RYR3: variants seen among roughly 807,000 people sequenced by gnomAD.
RYR3 encodes the protein brain ryanodine receptor-calcium release channel.
Under a neutral mutation model 584.3 loss-of-function variants are expected in RYR3, and 207 were observed. The ratio of observed to expected loss-of-function variants is 0.35; its 90% CI spans 0.32 to 0.40. RYR3 has a LOEUF of 0.40. RYR3 is among the 10% of genes least tolerant of loss of function. RYR3 has a pLI of 1.00. For missense variants in RYR3, 5,616 were observed against 6,089.2 expected (o/e 0.92, Z 2.59); for synonymous variants, 2,416 against 2,248.5 (o/e 1.07, Z -2.11).
intron 1 of RYR3, among the ~76,000 whole-genome samples, chr15:33,421,978 G>GT (rs1393773488): frequency 6.6e-6 from 1 of 152,172 alleles, no homozygotes; most frequent in Admixed American, 6.5e-5. Context: ...GTAGTATTGG[G>GT]TGATTACTAA....
At chr15:33,544,277 G>T (rs569255510) in intron 8 of RYR3, among the ~76,000 whole-genome samples, 2 of 151,628 alleles carry the variant, frequency 1.3e-5, no homozygotes, top group East Asian at 1.9e-4. Context: ...AGTTTTTTTT[G>T]GGTATTCTAT....
intron 57 of RYR3, among the ~76,000 whole-genome samples, chr15:33,753,435 T>C (rs1026160686): frequency 2.0e-5 from 3 of 152,190 alleles, no homozygotes; most frequent in East Asian, 1.9e-4. Flanking sequence ...TAGGATGGCA[T>C]TGGCTGCTTA....
At position 33,613,720 on chromosome 15, in the gene RYR3, T is replaced by C. The variant is rs562459956; in HGVS notation, c.2357+345T>C. ...CAGTAAAAATCACCTATGATTCCAA[T>C]GGTTAGCTATAATCTCTATTAATAC... is the stretch of plus-strand genomic sequence containing the variant. On this transcript the variant is annotated intron_variant, in intron 19 of 103. Transcript: ENST00000634891. 3.9e-5 allele frequency among the ~76,000 whole-genome samples: 6 copies of C among 152,362 alleles called. No homozygotes were observed. In the East Asian group the frequency reaches 1.2e-3, roughly 29 times the overall value.
At chr15:33,406,902 C>T (rs1167287200) in intron 1 of RYR3, among the ~76,000 whole-genome samples, 1 of 152,130 alleles carries the variant, frequency 6.6e-6, no homozygotes, top group Non-Finnish European at 1.5e-5. Flanking sequence ...TGAATTTGTG[C>T]TTCTATAACA....
intron 18 of RYR3, among the ~76,000 whole-genome samples, chr15:33,607,838 G>T (rs72711135): frequency 0.16 from 24,337 of 152,132 alleles, 2,269 homozygotes; most frequent in South Asian, 0.25. Context: ...AGCACTTGCT[G>T]TGGGTTACAG....
intron 1 of RYR3, among the ~76,000 whole-genome samples, chr15:33,358,400 C>T (rs1595841571): frequency 6.6e-6 from 1 of 152,264 alleles, no homozygotes; most frequent in East Asian, 1.9e-4. Flanking sequence ...GTTTGGCTTA[C>T]TTGGAATTTG....
intron 3 of RYR3, among the ~76,000 whole-genome samples, chr15:33,527,852 G>A (rs1250983886): frequency 6.6e-6 from 1 of 152,118 alleles, no homozygotes; most frequent in African/African-American, 2.4e-5. Context: ...TTGGAAGGTC[G>A]GTGATTAACA....
At chr15:33,636,741 G>T (rs1158426420) in intron 27 of RYR3, among the ~76,000 whole-genome samples, 191 bp downstream of exon 27, 1 of 152,192 alleles carries the variant, frequency 6.6e-6, no homozygotes, top group Non-Finnish European at 1.5e-5. Flanking sequence ...GATAGTTGGT[G>T]TGTGCAGCAT....
rs114551898 is a variant in RYR3, at chr15:33,326,579, G to A, written c.51+15483G>A. Among the ~76,000 whole-genome samples, 421 of 152,306 alleles carry A rather than the reference G, an allele frequency of 2.8e-3. 2 individuals are homozygous for A. The highest frequency in any genetic ancestry group is 9.7e-3 in the African/African-American group (402 of 41,578). On this transcript the variant is annotated intron_variant, in intron 1 of 103. Transcript: ENST00000634891. Reference sequence around the variant, plus strand: ...GAACTGGGGGTTTCTATAGGTTGTTGATAGGTTGCAAATGGAGTGAAAGAG... The same window carrying A: ...GAACTGGGGGTTTCTATAGGTTGTTAATAGGTTGCAAATGGAGTGAAAGAG...
At chr15:33,659,860 C>A in intron 33 of RYR3, 54 bp downstream of exon 33, 1 of 1,222,958 alleles carries the variant, frequency 8.2e-7, no homozygotes, top group Non-Finnish European at 1.2e-6. Context: ...CAGCACTAAC[C>A]ATTAGGGGGA....
intron 1 of RYR3, among the ~76,000 whole-genome samples, chr15:33,336,177 A>C (rs1344007215): frequency 2.0e-5 from 3 of 152,066 alleles, no homozygotes; most frequent in Non-Finnish European, 4.4e-5. Flanking sequence ...TGAGCCTGTA[A>C]TCTCAGCACT....
intron 67 of RYR3, among the ~76,000 whole-genome samples, chr15:33,795,244 G>A (rs972590322): frequency 1.3e-5 from 2 of 152,128 alleles, no homozygotes; most frequent in African/African-American, 4.8e-5. Flanking sequence ...GCTTCTGTTG[G>A]TCAGTGTCCA....
At chr15:33,530,481 T>C in intron 3 of RYR3, 111 bp from the exon 4 acceptor site, 1 of 743,252 alleles carries the variant, frequency 1.3e-6, no homozygotes, top group Non-Finnish European at 2.3e-6. Context: ...CCTTAGGAGC[T>C]TTGCAATGGG....
chr15:33,824,429 G>A (rs2077269708), intron 81 of RYR3, among the ~76,000 whole-genome samples: 1 of 152,188 alleles, frequency 6.6e-6, no homozygotes, highest in African/African-American at 2.4e-5. Context: ...TCAGAAATGT[G>A]TGTTGCATAG....
chr15:33,658,869 C>A (rs184865816), intron 32 of RYR3, among the ~76,000 whole-genome samples: 1 of 152,312 alleles, frequency 6.6e-6, no homozygotes, highest in Admixed American at 6.5e-5. Flanking sequence ...AACAGAAGAA[C>A]TGGAATGCTG....
chr15:33,857,049 A>G (rs575972497), intron 98 of RYR3, among the ~76,000 whole-genome samples: 8 of 152,120 alleles, frequency 5.3e-5, no homozygotes, highest in African/African-American at 1.7e-4. Flanking sequence ...ACAAAACACA[A>G]TGTATCCCTC....
chr15:33,351,146 ACT>A (rs1973192472), intron 1 of RYR3, among the ~76,000 whole-genome samples: 2 of 152,210 alleles, frequency 1.3e-5, no homozygotes, highest in South Asian at 4.1e-4. Flanking sequence ...ACGCAAATAA[ACT>A]GGAAAATCTA....
intron 16 of RYR3, among the ~76,000 whole-genome samples, chr15:33,588,498 A>G (rs1358628574): frequency 6.6e-6 from 1 of 152,108 alleles, no homozygotes; most frequent in African/African-American, 2.4e-5. Context: ...TACAAGTGCA[A>G]TTTTGTTACC....
Position 33,317,872 on chromosome 15 carries a change from G to A in RYR3, c.51+6776G>A, listed in dbSNP as rs542822602. 2.0e-5 allele frequency among the ~76,000 whole-genome samples: 3 copies of A among 152,266 alleles called. No homozygotes were observed. The East Asian group carries it at 5.8e-4, about 29-fold the overall frequency. ...TAGCTTTACAAGGAGGAGGCATGGA[G>A]ACACCAGGGCCTTCTTTTTTCACCT... On this transcript the variant is annotated intron_variant, in intron 1 of 103. Coordinates refer to ENST00000634891, the MANE Select transcript of RYR3 (RefSeq NM_001036.6).
Sources: gnomAD v4.1 joint callset for allele counts (sites outside exome capture counted in the v4.1 genomes callset) on GRCh38, gnomAD v4.1.1 for gene constraint, MANE v1.5 for transcripts, NCBI Gene and HGNC (gene_info 2026-07-23, HGNC 2026-07-21) for gene names.